The following NDC80 variants were observed in gnomAD, a reference collection of about 807,000 sequenced individuals.
NDC80 encodes kinetochore protein NDC80 homolog.
A neutral mutation model predicts 89.3 loss-of-function variants in NDC80; 69 were observed. The ratio of observed to expected loss-of-function variants is 0.77; its 90% CI spans 0.64 to 0.94. The LOEUF (loss-of-function observed/expected upper bound fraction) is 0.94. Among genes scored for constraint, NDC80 ranks in the 40% least tolerant of loss-of-function variants. The probability of loss-of-function intolerance (pLI) is 0.00; values close to 1 mark genes in which losing one functional copy is unlikely to be tolerated. For missense variants in NDC80, 593 were observed against 739.6 expected (o/e 0.80, Z 2.30); for synonymous variants, 243 against 255.6 (o/e 0.95, Z 0.47).
rs1324154963 is a variant in NDC80 at position 2,578,981 on chromosome 18, A to G, written c.531A>G (p.Thr177=). Residue 177 remains threonine (T), a synonymous_variant, in exon 6 of 17, where the codon ACA becomes ACG. Coordinates refer to ENST00000261597, the MANE Select transcript of NDC80 (RefSeq NM_006101.3). ...SSMYTVGAPH[T]WPHIVAALVW... is the part of the protein sequence containing the mutation. ...TGTACACAGTGGGGGCTCCTCATAC[A>G]TGGCCTCACATTGTGGCAGCCTTAG... 6.3e-7 allele frequency: 1 copy of G among 1,576,628 alleles called. No homozygotes were observed. Among genetic ancestry groups the G allele is most frequent in the Non-Finnish European group, 8.6e-7 (1 of 1,161,548 alleles).
intron 8 of NDC80, among the ~76,000 whole-genome samples, chr18:2,588,646 C>A (rs1177626765): frequency 6.6e-6 from 1 of 152,166 alleles, no homozygotes; most frequent in African/African-American, 2.4e-5. Flanking sequence ...CCCTTATAGT[C>A]CCCTGGGATT....
At chr18:2,605,966 A>G (rs2072709330) in intron 13 of NDC80, among the ~76,000 whole-genome samples, 1 of 152,126 alleles carries the variant, frequency 6.6e-6, no homozygotes, top group Non-Finnish European at 1.5e-5. Flanking sequence ...GGAATGCATG[A>G]CTATAATAGC....
chr18:2,576,164 A>T (rs1480549121), intron 3 of NDC80, among the ~76,000 whole-genome samples: 1 of 152,236 alleles, frequency 6.6e-6, no homozygotes, highest in Non-Finnish European at 1.5e-5. Context: ...TTACAGTCTA[A>T]AAGATTAATG....
intron 8 of NDC80, among the ~76,000 whole-genome samples, chr18:2,588,305 C>T (rs1433563213): frequency 6.6e-6 from 1 of 152,022 alleles, no homozygotes; most frequent in Non-Finnish European, 1.5e-5. Flanking sequence ...TCCTTGCTTA[C>T]TATTTGAGAA....
At chr18:2,578,590 T>C (rs1468516082) in intron 5 of NDC80, among the ~76,000 whole-genome samples, 2 of 151,922 alleles carry the variant, frequency 1.3e-5, no homozygotes, top group African/African-American at 4.8e-5. Flanking sequence ...TGTGATGAAA[T>C]TGAAAGTGGG....
At chr18:2,607,932 TTCTATTGTGTTTTTATTTTACATA>T (rs2072721117) in intron 14 of NDC80, among the ~76,000 whole-genome samples, 1 of 142,804 alleles carries the variant, frequency 7.0e-6, no homozygotes, top group Non-Finnish European at 1.5e-5. Context: ...AGAGCAATCC[TTCTATTGTGTTTTTATTTTACATA>T]TATACATAGT....
intron 9 of NDC80, 77 bp downstream of exon 9, chr18:2,589,387 T>A: frequency 2.0e-6 from 2 of 1,000,602 alleles, no homozygotes; most frequent in Non-Finnish European, 3.0e-6. Context: ...GCTGTCTTTA[T>A]CAAAATTTTA....
Position 2,609,676 on chromosome 18 carries a change from A to G in NDC80, c.1688+846A>G, listed in dbSNP as rs534932539. Among the ~76,000 whole-genome samples the G allele has an allele frequency of 1.5e-4, 23 of 152,326 alleles. No homozygotes were observed. In the South Asian group the frequency reaches 3.7e-3, roughly 25 times the overall value. On this transcript the variant is annotated intron_variant, in intron 15 of 16. Coordinates refer to ENST00000261597, the MANE Select transcript of NDC80 (RefSeq NM_006101.3). The stretch of plus-strand genomic sequence containing the variant: ...TTTGATTTGAGAAATGGGCATTCAG[A>G]AGGCTGCAGACTGAATTACTGTAAA...
chr18:2,615,057 T>G (rs1472594096), intron 16 of NDC80: 1 of 152,314 alleles, frequency 6.6e-6, no homozygotes, highest in Non-Finnish European at 1.5e-5. Context: ...CCCTAGAGCC[T>G]TCAGAGAGAC....
intron 10 of NDC80, chr18:2,594,634 G>A (rs2072645197): frequency 6.4e-6 from 1 of 156,908 alleles, no homozygotes. Context: ...ATTTGCCGTG[G>A]CACAATCCCC....
At chr18:2,581,520 G>T (rs539722101) in intron 6 of NDC80, among the ~76,000 whole-genome samples, 1 of 152,142 alleles carries the variant, frequency 6.6e-6, no homozygotes, top group Admixed American at 6.5e-5. Context: ...AATATTAGCC[G>T]GGTGTGATGG....
intron 2 of NDC80, 81 bp downstream of exon 2, chr18:2,573,167 A>T (rs2072527781): frequency 9.0e-7 from 1 of 1,113,128 alleles, no homozygotes; most frequent in Non-Finnish European, 1.3e-6. Flanking sequence ...TAATATAAAG[A>T]TGTAATATGA....
At chr18:2,608,625 A>G in intron 14 of NDC80, 75 bp from the exon 15 acceptor site, 1 of 1,409,892 alleles carries the variant, frequency 7.1e-7, no homozygotes. Flanking sequence ...TGCTTTTTAT[A>G]ATTGTTTTAA....
intron 15 of NDC80, among the ~76,000 whole-genome samples, chr18:2,609,528 C>T (rs914265964): frequency 1.3e-4 from 20 of 152,108 alleles, no homozygotes; most frequent in African/African-American, 4.8e-4. Context: ...CCATCAGTAA[C>T]ACATATAAAC....
chr18:2,609,655 A>T (rs565850093), intron 15 of NDC80, among the ~76,000 whole-genome samples: 55 of 152,354 alleles, frequency 3.6e-4, no homozygotes, highest in Non-Finnish European at 4.6e-4. Flanking sequence ...CTCTAGTTTG[A>T]TTTGAGAAAT....
chr18:2,594,670 A>G lies in NDC80; in HGVS notation c.1016-746A>G, dbSNP rs77067577. 676 of 153,292 alleles carry G rather than the reference A, an allele frequency of 4.4e-3. 22 individuals carry two copies. The East Asian group carries it at 0.089, about 20-fold the overall frequency. 9.5% of individuals were successfully genotyped at this position (153,292 alleles called of 1,614,324 possible). ...ACTTCTAGGCAACTGTTTTTTCTGT[A>G]ACAAGAATTTAGAAAGGGATGATTA... On this transcript the variant is annotated intron_variant, in intron 10 of 16. Transcript: ENST00000261597.
chr18:2,603,654 AT>A, intron 13 of NDC80, among the ~76,000 whole-genome samples: 2 of 152,070 alleles, frequency 1.3e-5, no homozygotes, highest in Non-Finnish European at 2.9e-5. Flanking sequence ...GAAATAGTTT[AT>A]AGAGATGGTG....
At chr18:2,585,088 C>G in intron 6 of NDC80, 25 bp from the exon 7 acceptor site, 1 of 1,569,152 alleles carries the variant, frequency 6.4e-7, no homozygotes. Context: ...GATCAACTTG[C>G]TTTTCTTGCT....
intron 3 of NDC80, chr18:2,577,317 C>A (rs2072552003): frequency 6.3e-6 from 1 of 159,284 alleles, no homozygotes. Context: ...CCAGTTCAAG[C>A]AATTCTCCTG....
Sources: allele counts gnomAD v4.1 joint callset (sites outside exome capture counted in the v4.1 genomes callset), GRCh38; gene constraint gnomAD v4.1.1; transcripts MANE v1.5; gene names NCBI Gene and HGNC (gene_info 2026-07-23, HGNC 2026-07-21).